The following NRXN1 variants were observed in gnomAD, a reference collection of about 807,000 sequenced individuals.
The protein encoded by NRXN1 is neurexin-1.
In NRXN1, 39 loss-of-function variants were observed where a neutral mutation model predicts 150.9. That is an observed-to-expected ratio of 0.26 (90% CI 0.20 to 0.34). The LOEUF (loss-of-function observed/expected upper bound fraction) is 0.34, where lower values mean the gene tolerates loss of function less well. Ranked by LOEUF, NRXN1 falls within the 10% of genes least tolerant of loss-of-function variation. The pLI is 1.00. For synonymous variants in NRXN1, 924 were observed against 757.0 expected (o/e 1.22, Z -3.62); for missense variants, 1,815 against 1,949.9 (o/e 0.93, Z 1.30).
chr2:50,559,489 A>G (rs781374114), intron 8 of NRXN1, among the ~76,000 whole-genome samples: 1 of 152,218 alleles, frequency 6.6e-6, no homozygotes, highest in Non-Finnish European at 1.5e-5. Context: ...GCATATGCCT[A>G]GTTCCACAGA....
At chr2:50,470,415 CT>C (rs1429178857) in intron 16 of NRXN1, among the ~76,000 whole-genome samples, 1 of 151,746 alleles carries the variant, frequency 6.6e-6, no homozygotes, top group African/African-American at 2.4e-5. Context: ...TAAAAATGAA[CT>C]CAACAACACC....
intron 15 of NRXN1, among the ~76,000 whole-genome samples, chr2:50,491,524 A>G (rs2091253929): frequency 6.6e-6 from 1 of 152,180 alleles, no homozygotes; most frequent in East Asian, 1.9e-4. Context: ...TGAGGAGGAG[A>G]TAAATGGGTG....
At chr2:51,012,168 T>C (rs1667982749) in intron 2 of NRXN1, among the ~76,000 whole-genome samples, 1 of 152,046 alleles carries the variant, frequency 6.6e-6, no homozygotes, top group South Asian at 2.1e-4. Context: ...TTCCTCACTT[T>C]CCTTGTGTTC....
intron 16 of NRXN1, chr2:50,466,598 A>T: frequency 2.3e-6 from 1 of 432,072 alleles, no homozygotes; most frequent in Non-Finnish European, 4.6e-6. Flanking sequence ...GCTGCTGTAA[A>T]GAGGGAGAAA....
At chr2:50,107,323 G>A (rs1224532477) in intron 18 of NRXN1, among the ~76,000 whole-genome samples, 1 of 148,684 alleles carries the variant, frequency 6.7e-6, no homozygotes, top group East Asian at 2.0e-4. Flanking sequence ...AACTTTCAAT[G>A]ACACCATATT....
chr2:50,670,767 G>T (rs975117467), intron 5 of NRXN1, among the ~76,000 whole-genome samples: 4 of 151,836 alleles, frequency 2.6e-5, no homozygotes, highest in African/African-American at 4.8e-5. Flanking sequence ...AGAATGTGCT[G>T]CTGTTTAGGT....
At position 50,501,215 on chromosome 2, in the gene NRXN1, C is replaced by T. The variant is rs142266234; in HGVS notation, c.2498-3501G>A. Among the ~76,000 whole-genome samples the T allele has an allele frequency of 1.8e-3, 276 of 152,132 alleles. 1 individual carries two copies. Among genetic ancestry groups the T allele is most frequent in the African/African-American group, 6.4e-3 (264 of 41,494 alleles). ...GGAAGGGGAGACGGATGAAGGAAGG[C>T]TTTTGGATAACAAACAGCTACAGAG... On this transcript the variant is annotated intron_variant, in intron 13 of 22. Coordinates refer to ENST00000401669, the MANE Select transcript of NRXN1 (RefSeq NM_001330078.2).
intron 5 of NRXN1, among the ~76,000 whole-genome samples, chr2:50,768,925 C>T (rs1702674757): frequency 6.6e-6 from 1 of 151,770 alleles, no homozygotes; most frequent in Non-Finnish European, 1.5e-5. Context: ...AACACACACA[C>T]ACACACACAC....
intron 5 of NRXN1, among the ~76,000 whole-genome samples, chr2:50,841,941 C>T (rs1229870344): frequency 6.6e-6 from 1 of 152,172 alleles, no homozygotes; most frequent in African/African-American, 2.4e-5. Flanking sequence ...TCTGTGTATG[C>T]ATTGACACAC....
At chr2:50,457,069 G>A (rs2087640563) in intron 17 of NRXN1, among the ~76,000 whole-genome samples, 1 of 152,066 alleles carries the variant, frequency 6.6e-6, no homozygotes, top group African/African-American at 2.4e-5. Flanking sequence ...GAGAAACTCA[G>A]AAAGGCTGTC....
chr2:50,339,464 A>G lies in NRXN1; in HGVS notation c.3365-102494T>C, dbSNP rs545770129. ...GATTCAAAGAAAGTTCATAGAAAAC[A>G]ACATATACATAACCACATACCTTGA... On this transcript the variant is annotated intron_variant, in intron 17 of 22. Transcript: ENST00000401669. 7.2e-5 allele frequency among the ~76,000 whole-genome samples: 11 copies of G among 152,302 alleles called. No homozygotes were observed. The South Asian group carries it at 2.3e-3, about 32-fold the overall frequency.
At chr2:50,713,845 C>G (rs976841238) in intron 5 of NRXN1, among the ~76,000 whole-genome samples, 1 of 152,066 alleles carries the variant, frequency 6.6e-6, no homozygotes, top group Non-Finnish European at 1.5e-5. Flanking sequence ...TCATAGGATC[C>G]TGGTCTTCTT....
intron 10 of NRXN1, among the ~76,000 whole-genome samples, chr2:50,534,454 G>T (rs2093201130): frequency 6.6e-6 from 1 of 152,126 alleles, no homozygotes; most frequent in Admixed American, 6.5e-5. Context: ...CCAAATGGGA[G>T]TAAAATCCCA....
At chr2:50,234,575 T>C (rs2065248997) in intron 18 of NRXN1, among the ~76,000 whole-genome samples, 1 of 152,094 alleles carries the variant, frequency 6.6e-6, no homozygotes, top group Non-Finnish European at 1.5e-5. Context: ...TAATGTCTAA[T>C]CACCTCTTCT....
chr2:50,390,644 A>G (rs2081626301), intron 17 of NRXN1, among the ~76,000 whole-genome samples: 1 of 152,122 alleles, frequency 6.6e-6, no homozygotes, highest in Non-Finnish European at 1.5e-5. Context: ...ATTAGGCCAT[A>G]TGGATCTTTC....
intron 5 of NRXN1, among the ~76,000 whole-genome samples, chr2:50,748,017 A>G (rs1700195197): frequency 6.6e-6 from 1 of 152,166 alleles, no homozygotes; most frequent in South Asian, 2.1e-4. Context: ...CCTAGCATGC[A>G]CCAGACATGA....
intron 17 of NRXN1, among the ~76,000 whole-genome samples, chr2:50,298,183 T>C (rs2073806612): frequency 6.6e-6 from 1 of 152,184 alleles, no homozygotes; most frequent in Non-Finnish European, 1.5e-5. Context: ...TTGCACCTCT[T>C]CTTGGCTCCC....
At chr2:50,740,955 G>C (rs1307488810) in intron 5 of NRXN1, among the ~76,000 whole-genome samples, 1 of 152,050 alleles carries the variant, frequency 6.6e-6, no homozygotes, top group East Asian at 1.9e-4. Flanking sequence ...AATTAGATAT[G>C]ATCACCAACA....
At chr2:50,469,946 A>C (rs2089298372) in intron 16 of NRXN1, among the ~76,000 whole-genome samples, 1 of 151,394 alleles carries the variant, frequency 6.6e-6, no homozygotes, top group South Asian at 2.1e-4. Context: ...TCATTACTGC[A>C]AATGCCCTTT....
Sources: gnomAD v4.1 joint callset for allele counts (sites outside exome capture counted in the v4.1 genomes callset) on GRCh38, gnomAD v4.1.1 for gene constraint, MANE v1.5 for transcripts, NCBI Gene and HGNC (gene_info 2026-07-23, HGNC 2026-07-21) for gene names.